The following SAMD14 variants were observed in gnomAD, a reference collection of about 807,000 sequenced individuals.
SAMD14 encodes the protein sterile alpha motif domain-containing protein 14.
Under a neutral mutation model 46.2 loss-of-function variants are expected in SAMD14, and 27 were observed. That is an observed-to-expected ratio of 0.58 (90% confidence interval 0.43 to 0.81). The LOEUF (loss-of-function observed/expected upper bound fraction) is 0.81, where lower values mean the gene tolerates loss of function less well. Ranked by LOEUF, SAMD14 falls within the 30% of genes least tolerant of loss-of-function variation. The pLI, the probability that SAMD14 is intolerant of heterozygous loss-of-function variation, is 0.00. For synonymous variants in SAMD14, 241 were observed against 254.3 expected, an observed-to-expected ratio of 0.95 and a Z score of 0.50; for missense variants, 559 against 582.2, an observed-to-expected ratio of 0.96 and a Z score of 0.41.
intron 9 of SAMD14, chr17:50,113,456 TC>T: frequency 3.9e-6 from 1 of 255,318 alleles, no homozygotes. Context: ...CCCAAGCAAC[TC>T]AGCAGAGAGC....
Position 50,124,763 on chromosome 17 carries a change from G to GCGCA in SAMD14, c.43+153_43+154insTGCG, listed in dbSNP as rs57385248. Among the ~76,000 whole-genome samples the GCGCA allele has an allele frequency of 6.8e-3, 722 of 106,730 alleles. 3 individuals carry two copies. The highest frequency in any genetic ancestry group is 0.019 in the South Asian group (52 of 2,670). The allele number at this position is 106,730 out of a possible 152,430, so 70.0% of individuals were successfully genotyped here. On this transcript the variant is annotated intron_variant, in intron 2 of 9. Transcript: ENST00000330175. Reference sequence around the variant, plus strand: ...GGCCACAATACCTGCACGCGTGCACGCGCGCGCGCACACACACACACACAC... The same window carrying GCGCA: ...GGCCACAATACCTGCACGCGTGCACGCGCACGCGCGCGCACACACACACACACAC...
chr17:50,116,316 A>T, intron 4 of SAMD14: 1 of 554,496 alleles, frequency 1.8e-6, no homozygotes, highest in Non-Finnish European at 3.1e-6. Flanking sequence ...ACCTAATGGG[A>T]TGCTTATGAC....
intron 2 of SAMD14, among the ~76,000 whole-genome samples, chr17:50,121,221 C>T (rs917508232): frequency 4.6e-5 from 7 of 151,212 alleles, no homozygotes; most frequent in Non-Finnish European, 8.8e-5. Context: ...CCTGCCACCC[C>T]AAAACATGCA....
chr17:50,113,963 G>A lies in SAMD14; in HGVS notation c.1059C>T (p.Asp353=), dbSNP rs202140155. The A allele has an allele frequency of 1.3e-5, 21 of 1,613,728 alleles. No homozygotes were observed. Among genetic ancestry groups the A allele is most frequent in the Non-Finnish European group, 1.0e-5 (12 of 1,180,020 alleles). ...CGTCCAGCTGCAGCAGCTGCGGCCC[G>A]TCTACCTGCCGTGCAGCAAACTCAG... The part of the protein sequence containing the change: ...YAAEFAARQV[D]GPQLLQLDGS... Residue 353 remains aspartate, a synonymous_variant, in exon 9 of 10, where the codon GAC becomes GAT. Transcript: ENST00000330175.
Position 50,124,952 on chromosome 17 carries a change from G to A in SAMD14, c.8C>T (p.Ser3Phe), listed in dbSNP as rs772232917. 1 of 1,614,086 alleles carries A rather than the reference G, an allele frequency of 6.2e-7. No homozygotes were observed. The highest frequency in any genetic ancestry group is 1.1e-5 in the South Asian group (1 of 91,084). ...ATCCACGGGTTCTCGGAGCTTTGAA[G>A]AAGCCATGACTCAAGAGAGCTGGGA... MA[S>F]SKLREPVDEV... is the part of the protein sequence containing the mutation. The change falls in exon 2 of 10, where the codon TCT becomes TTT. Residue 3 changes from serine (S) to phenylalanine (F), a missense_variant. Transcript: ENST00000330175.
At chr17:50,117,363 C>G (rs1222137672) in intron 4 of SAMD14, 44 bp downstream of exon 4, 1 of 1,278,736 alleles carries the variant, frequency 7.8e-7, no homozygotes, top group Non-Finnish European at 9.9e-7. Flanking sequence ...GGCTGCTGCG[C>G]CCGGGAGCGA....
rs747011469 is a variant in SAMD14 at position 50,115,962 on chromosome 17, A to G, written c.587+41T>C. 1 of 1,613,580 alleles carries G rather than the reference A, an allele frequency of 6.2e-7. No individual in the cohort carries two copies. The highest frequency in any genetic ancestry group is 1.1e-5 in the South Asian group (1 of 90,982). The stretch of plus-strand genomic sequence containing the variant: ...TGCCCACTGTGCTACCCCTTACCCC[A>G]GCAGCTCCAAGCCCTGCGATCTAGC... On this transcript the variant is annotated intron_variant, in intron 5 of 9. Transcript: ENST00000330175. The surrounding 1 kb of genome is among the most constrained non-coding windows in gnomAD (Gnocchi z 5.3).
At chr17:50,119,402 G>C (rs1911395493) in intron 2 of SAMD14, among the ~76,000 whole-genome samples, 1 of 152,082 alleles carries the variant, frequency 6.6e-6, no homozygotes, top group South Asian at 2.1e-4. Context: ...ACTCCACCCA[G>C]CATGATCTCA....
chr17:50,113,981 A>G lies in SAMD14; in HGVS notation c.1041T>C (p.Phe347=). ...SLNLEQYAAE[F]AARQVDGPQL... is the part of the protein sequence containing the mutation. ...GCGGCCCGTCTACCTGCCGTGCAGC[A>G]AACTCAGCAGCATACTGTTCCAGGT... Residue 347 remains phenylalanine (F), a synonymous_variant, in exon 9 of 10, where the codon TTT becomes TTC. Coordinates refer to ENST00000330175, the MANE Select transcript of SAMD14 (RefSeq NM_001257359.2). 6.2e-7 allele frequency: 1 copy of G among 1,613,742 alleles called. No individual in the cohort carries two copies. The highest frequency in any genetic ancestry group is 8.5e-7 in the Non-Finnish European group (1 of 1,180,044).
rs1206725296 is a variant in SAMD14, at chr17:50,112,183, G to C, written c.*710C>G. 1 of 152,230 alleles carries C rather than the reference G, an allele frequency of 6.6e-6. No individual in the cohort carries two copies. The highest frequency in any genetic ancestry group is 1.5e-5 in the Non-Finnish European group (1 of 68,088). The allele number at this position is 152,230 out of a possible 1,614,324, so 9.4% of individuals were successfully genotyped here. On this transcript the variant is annotated 3_prime_UTR_variant, in exon 10 of 10. Coordinates refer to ENST00000330175, the MANE Select transcript of SAMD14 (RefSeq NM_001257359.2). ...TGAATGGGCCCTGAGAGGCAGACCT[G>C]TGTGGTGTCATCTCGCCCCCTGGGA... is the stretch of plus-strand genomic sequence containing the variant.
chr17:50,113,728 A>T, intron 9 of SAMD14, 196 bp downstream of exon 9: 1 of 613,450 alleles, frequency 1.6e-6, no homozygotes, highest in South Asian at 2.0e-5. Flanking sequence ...CAAACTAGGG[A>T]TTCATGCTAC....
intron 7 of SAMD14, 183 bp from the exon 8 acceptor site, chr17:50,114,489 TTTGG>T: frequency 1.3e-6 from 2 of 1,566,174 alleles, no homozygotes; most frequent in Non-Finnish European, 8.7e-7. Flanking sequence ...ACCTGAAGCC[TTTGG>T]GAGAGCAGGC....
intron 2 of SAMD14, among the ~76,000 whole-genome samples, chr17:50,124,421 T>C (rs909561465): frequency 2.0e-5 from 3 of 152,014 alleles, no homozygotes; most frequent in Admixed American, 2.0e-4. Flanking sequence ...GACTTGGAGG[T>C]AACGTGTGTC....
At position 50,126,837 on chromosome 17, in the gene SAMD14, C is replaced by T. The variant is rs143615894; in HGVS notation, c.-12-1866G>A. On this transcript the variant is annotated intron_variant, in intron 1 of 9. Transcript: ENST00000330175. ...GTAAGTAGCTGGGCGTGATAGCTCA[C>T]GCCTGTAATCCCAGCACTTTGGGAG... Among the ~76,000 whole-genome samples the T allele has an allele frequency of 8.7e-3, 1,326 of 152,068 alleles. 10 individuals are homozygous for T. Among genetic ancestry groups the T allele is most frequent in the Middle Eastern group, 0.017 (5 of 294 alleles).
At chr17:50,125,144 G>A (rs554874234) in intron 1 of SAMD14, 173 bp from the exon 2 acceptor site, 139 of 614,684 alleles carry the variant, frequency 2.3e-4, no homozygotes, top group Middle Eastern at 8.9e-4. Flanking sequence ...TCATAACCCA[G>A]ATGGTGGGCG....
rs1910768824 is a variant in SAMD14, at chr17:50,110,386, CCTCT to C, written c.*2503_*2506del. ...AGAGACATTTTCCCATGGCAGTCCT[CCTCT>C]CTGAGACCAGGGCTGTCACTTTTCT... On this transcript the variant is annotated 3_prime_UTR_variant, in exon 10 of 10. Coordinates refer to ENST00000330175, the MANE Select transcript of SAMD14 (RefSeq NM_001257359.2). 7.2e-6 allele frequency: 2 copies of C among 277,640 alleles called. No individual in the cohort carries two copies. Among genetic ancestry groups the C allele is most frequent in the Non-Finnish European group, 6.8e-6 (1 of 147,246 alleles). 17.2% of individuals were successfully genotyped at this position (277,640 alleles called of 1,614,324 possible). A position where few individuals can be genotyped will look rare whatever the true frequency, so the allele number is the denominator to read the frequency against.
At chr17:50,114,421 G>C in intron 7 of SAMD14, 115 bp from the exon 8 acceptor site, 1 of 1,613,662 alleles carries the variant, frequency 6.2e-7, no homozygotes, top group Non-Finnish European at 8.5e-7. Context: ...TGCCTCCTGT[G>C]CATGAGCCAG....
intron 2 of SAMD14, among the ~76,000 whole-genome samples, chr17:50,119,252 T>C (rs1911390073): frequency 6.6e-6 from 1 of 152,178 alleles, no homozygotes; most frequent in Non-Finnish European, 1.5e-5. Context: ...TTAAAGTCCT[T>C]ATTGCTCATA....
In SAMD14 at chr17:50,110,667, C is replaced by T. The variant is rs888488399; in HGVS notation, c.*2226G>A. On this transcript the variant is annotated 3_prime_UTR_variant, in exon 10 of 10. Transcript: ENST00000330175. ...TGAAGGTCGGTGGCGGAGGGGGTGGCTCTCACAGGGCCCAACTCTAAAGTG... is the reference window on the plus strand; with the variant it reads ...TGAAGGTCGGTGGCGGAGGGGGTGGTTCTCACAGGGCCCAACTCTAAAGTG... 6 of 152,198 alleles carry T rather than the reference C, an allele frequency of 3.9e-5. No individual in the cohort carries two copies. Among genetic ancestry groups the T allele is most frequent in the African/African-American group, 1.2e-4 (5 of 41,430 alleles). 9.4% of individuals were successfully genotyped at this position (152,198 alleles called of 1,614,324 possible). A position where few individuals can be genotyped will look rare whatever the true frequency, so the allele number is the denominator to read the frequency against.
Sources: allele counts gnomAD v4.1 joint callset (sites outside exome capture counted in the v4.1 genomes callset), GRCh38; gene constraint gnomAD v4.1.1; non-coding constraint Gnocchi (gnomAD v3.1); transcripts MANE v1.5; gene names NCBI Gene and HGNC (gene_info 2026-07-23, HGNC 2026-07-21).